Variants in ATP10A observed in about 807,000 individuals in gnomAD.
ATP10A encodes ATPase phospholipid transporting 10A (putative).
In ATP10A, 111 loss-of-function variants were observed where a neutral mutation model predicts 147.8. The ratio of observed to expected loss-of-function variants is 0.75; its 90% confidence interval spans 0.64 to 0.88. The LOEUF (loss-of-function observed/expected upper bound fraction) is 0.88. Ranked by LOEUF, ATP10A falls within the 40% of genes least tolerant of loss-of-function variation. The probability of loss-of-function intolerance (pLI) is 0.00; values close to 1 mark genes in which losing one functional copy is unlikely to be tolerated. For synonymous variants in ATP10A, 875 were observed against 841.6 expected, an observed-to-expected ratio of 1.04 and a Z score of -0.69; for missense variants, 1,927 against 1,959.0, an observed-to-expected ratio of 0.98 and a Z score of 0.31.
chr15:25,702,244 G>T lies in ATP10A; in HGVS notation c.2576-144C>A, dbSNP rs1900712123. The T allele has an allele frequency of 1.6e-5, 13 of 802,628 alleles. No individual in the cohort carries two copies. The South Asian group carries it at 2.3e-4, about 14-fold the overall frequency. The allele number at this position is 802,628 out of a possible 1,614,324, so 49.7% of individuals were successfully genotyped here. On this transcript the variant is annotated intron_variant, in intron 12 of 20. Coordinates refer to ENST00000555815, the MANE Select transcript of ATP10A (RefSeq NM_024490.4). ...CCTGGGCCTTGCCAGGGGCTGGGCT[G>T]CCAGTTGTCTGCCATGTAGTGACAG...
Position 25,695,042 on chromosome 15 carries a change from G to A in ATP10A, c.2865C>T (p.Ser955=), listed in dbSNP as rs2140322315. The A allele has an allele frequency of 1.9e-6, 3 of 1,614,176 alleles. No individual in the cohort carries two copies. Among genetic ancestry groups the A allele is most frequent in the South Asian group, 1.1e-5 (1 of 91,088 alleles). ...KTKGKVSMRF[S]SLCPPSTSTA... ...TGGACGTGGAGGGTGGGCAGAGAGA[G>A]GAGAACCTCATGCTCACTTTGCCCT... The change falls in exon 14 of 21, where the codon TCC becomes TCT. Residue 955 remains serine, a synonymous_variant. Transcript: ENST00000555815.
intron 1 of ATP10A, among the ~76,000 whole-genome samples, chr15:25,859,862 C>T (rs1307815855): frequency 2.0e-5 from 3 of 152,094 alleles, no homozygotes; most frequent in Admixed American, 2.0e-4. Context: ...TCCCAGAAGT[C>T]ACTTCTGGGA....
intron 7 of ATP10A, among the ~76,000 whole-genome samples, chr15:25,720,713 CA>C (rs1902162181): frequency 6.6e-6 from 1 of 152,126 alleles, no homozygotes; most frequent in Non-Finnish European, 1.5e-5. Flanking sequence ...AAACTTTAAA[CA>C]AAGTGGGTAA....
chr15:25,861,285 A>C (rs1893749248), intron 1 of ATP10A, among the ~76,000 whole-genome samples: 1 of 152,150 alleles, frequency 6.6e-6, no homozygotes. Context: ...GCCTTCAGTG[A>C]CTCTTACAAA....
Position 25,781,169 on chromosome 15 carries a change from A to G in ATP10A, c.504T>C (p.Phe168=), listed in dbSNP as rs1889903908. ...RFWKEIHVGD[F]VRLRCNEIFP... is the part of the protein sequence containing the mutation. ...AGATTTCGTTGCAGCGAAGACGCAC[A>G]AAGTCTCCCACGTGGATTTCTTTCC... Residue 168 remains phenylalanine (F), a synonymous_variant, in exon 2 of 21, where the codon TTT becomes TTC. Coordinates refer to ENST00000555815, the MANE Select transcript of ATP10A (RefSeq NM_024490.4). The G allele has an allele frequency of 6.2e-7, 1 of 1,614,194 alleles. No homozygotes were observed.
In ATP10A at chr15:25,830,122, T is replaced by C. The variant is rs1461231207; in HGVS notation, c.449+32526A>G. 5.3e-5 allele frequency among the ~76,000 whole-genome samples: 8 copies of C among 152,146 alleles called. 1 individual carries two copies. The South Asian group carries it at 1.2e-3, about 24-fold the overall frequency. On this transcript the variant is annotated intron_variant, in intron 1 of 20. Transcript: ENST00000555815. ...CCAAGGCCTCAGCCAGCAGGAGCTG[T>C]GAATGGAGCCACGGAGAGGAGGAGG...
At chr15:25,707,270 T>G (rs1048100809) in intron 12 of ATP10A, among the ~76,000 whole-genome samples, 2 of 152,110 alleles carry the variant, frequency 1.3e-5, no homozygotes, top group African/African-American at 4.8e-5. Context: ...TTGTGTTAAG[T>G]GAAGATGACC....
chr15:25,862,407 CAG>C (rs1485462052), intron 1 of ATP10A: 10 of 654,324 alleles, frequency 1.5e-5, no homozygotes, highest in Non-Finnish European at 2.8e-5. Context: ...CACGGAGTGA[CAG>C]GGGATCCCCA....
rs1231634482 is a variant in ATP10A, at chr15:25,775,960, C to T, written c.654+5059G>A. Among the ~76,000 whole-genome samples, 3 of 152,210 alleles carry T rather than the reference C, an allele frequency of 2.0e-5. No homozygotes were observed. In the East Asian group the frequency reaches 5.8e-4, roughly 29 times the overall value. ...CGTCTACAGTTAGCACCGAAGACTT[C>T]AACCGTCTATCCAACTTTTCACATA... On this transcript the variant is annotated intron_variant, in intron 2 of 20. Transcript: ENST00000555815.
intron 2 of ATP10A, among the ~76,000 whole-genome samples, chr15:25,769,136 C>G (rs1889196596): frequency 6.6e-6 from 1 of 152,054 alleles, no homozygotes; most frequent in Non-Finnish European, 1.5e-5. Flanking sequence ...CGAAGTCTGC[C>G]CCATAGTAAA....
At chr15:25,749,299 C>G (rs759981950) in intron 2 of ATP10A, among the ~76,000 whole-genome samples, 1 of 152,060 alleles carries the variant, frequency 6.6e-6, no homozygotes, top group Non-Finnish European at 1.5e-5. Flanking sequence ...ACACTGAAAA[C>G]TATAAAGTAT....
At chr15:25,770,327 G>C (rs1222864305) in intron 2 of ATP10A, among the ~76,000 whole-genome samples, 1 of 152,216 alleles carries the variant, frequency 6.6e-6, no homozygotes, top group African/African-American at 2.4e-5. Flanking sequence ...CTGCTCTGCA[G>C]AGATGGCCCT....
intron 2 of ATP10A, among the ~76,000 whole-genome samples, chr15:25,764,400 C>T (rs887271007): frequency 6.6e-5 from 10 of 152,094 alleles, no homozygotes; most frequent in Non-Finnish European, 1.5e-4. Flanking sequence ...AAACCTAGTC[C>T]TTAATTTGAT....
intron 1 of ATP10A, among the ~76,000 whole-genome samples, chr15:25,782,802 G>A (rs932594760): frequency 2.0e-5 from 3 of 152,120 alleles, no homozygotes; most frequent in African/African-American, 7.2e-5. Flanking sequence ...TAAATAAGTG[G>A]AGGAACATAA....
At chr15:25,687,965 G>T (rs1899792307) in intron 15 of ATP10A, 137 bp from the exon 16 acceptor site, 1 of 1,199,280 alleles carries the variant, frequency 8.3e-7, no homozygotes. Flanking sequence ...GCCGGCCAGG[G>T]TCTCCATCGC....
intron 13 of ATP10A, among the ~76,000 whole-genome samples, chr15:25,697,479 A>T (rs1280432243): frequency 1.3e-5 from 2 of 152,254 alleles, no homozygotes; most frequent in African/African-American, 2.4e-5. Context: ...GATGACACAG[A>T]TACTGACATT....
At chr15:25,761,882 CTT>C (rs1888776753) in intron 2 of ATP10A, among the ~76,000 whole-genome samples, 2 of 152,144 alleles carry the variant, frequency 1.3e-5, no homozygotes, top group Non-Finnish European at 2.9e-5. Context: ...TGAATTAAGA[CTT>C]TGGGGGACTG....
intron 2 of ATP10A, among the ~76,000 whole-genome samples, chr15:25,773,804 A>C (rs1040973739): frequency 7.2e-6 from 1 of 139,618 alleles, no homozygotes; most frequent in African/African-American, 2.7e-5. Context: ...ACACAAACAT[A>C]CACACCTAAA....
chr15:25,862,814 C>T lies in ATP10A; in HGVS notation c.283G>A (p.Ala95Thr). Residue 95 changes from alanine (A) to threonine (T), a missense_variant, in exon 1 of 21, where the codon GCG (alanine) becomes ACG (threonine). By Grantham distance (58) the Ala-to-Thr change is moderately conservative. Coordinates refer to ENST00000555815, the MANE Select transcript of ATP10A (RefSeq NM_024490.4). ...ACCGCCGGCACGAAGTTGAGCAGCG[C>T]GATGAAGACAAAGTACACGTTGGCC... ...RPANVYFVFI[A>T]LLNFVPAVNA... 2 of 1,610,016 alleles carry T rather than the reference C, an allele frequency of 1.2e-6. No individual in the cohort carries two copies. The highest frequency in any genetic ancestry group is 1.7e-6 in the Non-Finnish European group (2 of 1,178,196).
Sources: gnomAD v4.1 joint callset for allele counts (sites outside exome capture counted in the v4.1 genomes callset) on GRCh38, gnomAD v4.1.1 for gene constraint, MANE v1.5 for transcripts, NCBI Gene and HGNC (gene_info 2026-07-23, HGNC 2026-07-21) for gene names.